TAAR5: variants seen among roughly 807,000 people sequenced by gnomAD.
TAAR5 encodes the protein trace amine associated receptor 5, also known as trace amine-associated receptor 5.
Under a neutral mutation model 21.1 loss-of-function variants are expected in TAAR5, and 27 were observed. The observed-to-expected ratio is 1.28, with a 90% CI of 0.94 to 1.76. The LOEUF (loss-of-function observed/expected upper bound fraction) is 1.76, where lower values mean the gene tolerates loss of function less well. Among genes scored for constraint, TAAR5 ranks in the 40% most tolerant of loss-of-function variants. The pLI is 0.00. For synonymous variants in TAAR5, 203 were observed against 167.5 expected (o/e 1.21, Z -1.64); for missense variants, 495 against 405.6 (o/e 1.22, Z -1.89).
upstream of TAAR5, among the ~76,000 whole-genome samples, chr6:132,593,617 G>T (rs1371852248): frequency 6.6e-6 from 1 of 152,006 alleles, no homozygotes. Flanking sequence ...TAATGTTTGT[G>T]GACACCCTTG....
chr6:132,606,066 G>A, the TAAR5 span, among the ~76,000 whole-genome samples: 2 of 152,048 alleles, frequency 1.3e-5, no homozygotes, highest in African/African-American at 2.4e-5. Context: ...GGTACACATG[G>A]TCATAAAAAT....
At chr6:132,606,365 G>A in the TAAR5 span, among the ~76,000 whole-genome samples, 6 of 152,222 alleles carry the variant, frequency 3.9e-5, no homozygotes, top group African/African-American at 1.2e-4. Flanking sequence ...AAGGACCAGC[G>A]GGTATAAATG....
the TAAR5 span, chr6:132,608,507 G>C: frequency 2.2e-6 from 1 of 454,896 alleles, no homozygotes; most frequent in Non-Finnish European, 4.4e-6. Context: ...ACTATACCCA[G>C]TGTCTTCGCT....
chr6:132,591,398 G>T (rs527713312), upstream of TAAR5, among the ~76,000 whole-genome samples: 2 of 152,250 alleles, frequency 1.3e-5, no homozygotes, highest in Admixed American at 6.5e-5. Flanking sequence ...AGGAGGTGGG[G>T]CAGGTCAAAA....
At chr6:132,595,023 T>C in the TAAR5 span, 1 of 152,108 alleles carries the variant, frequency 6.6e-6, no homozygotes, top group Non-Finnish European at 1.5e-5. Flanking sequence ...CATATTGCAA[T>C]GGGTCTCAAA....
At chr6:132,610,269 A>G in the TAAR5 span, among the ~76,000 whole-genome samples, 1 of 152,216 alleles carries the variant, frequency 6.6e-6, no homozygotes, top group Non-Finnish European at 1.5e-5. Context: ...GAAGCTTGAC[A>G]TTGTGCCTAT....
At chr6:132,598,016 A>G in the TAAR5 span, among the ~76,000 whole-genome samples, 22,954 of 152,170 alleles carry the variant, frequency 0.15, 2,261 homozygotes, top group African/African-American at 0.27. Context: ...AGAGGGAAAT[A>G]TAGCTCAACT....
At chr6:132,605,025 G>T in the TAAR5 span, among the ~76,000 whole-genome samples, 1 of 152,320 alleles carries the variant, frequency 6.6e-6, no homozygotes, top group South Asian at 2.1e-4. Context: ...AAGAAAGGTT[G>T]CCTGGGATAA....
upstream of TAAR5, among the ~76,000 whole-genome samples, chr6:132,593,224 T>G (rs542588683): frequency 3.7e-4 from 56 of 152,304 alleles, no homozygotes; most frequent in African/African-American, 1.3e-3. Flanking sequence ...TAAATTTTCC[T>G]CTGCCATGCT....
chr6:132,596,577 C>T, the TAAR5 span, among the ~76,000 whole-genome samples: 4 of 152,108 alleles, frequency 2.6e-5, no homozygotes, highest in African/African-American at 9.7e-5. Context: ...ATCTCCAATA[C>T]TGTATATTAT....
chr6:132,592,239 C>T (rs1269949465), upstream of TAAR5, among the ~76,000 whole-genome samples: 2 of 152,216 alleles, frequency 1.3e-5, no homozygotes, highest in Non-Finnish European at 2.9e-5. Flanking sequence ...CTGCACTTTA[C>T]TTACTAGAAA....
At chr6:132,600,703 A>T in the TAAR5 span, among the ~76,000 whole-genome samples, 1 of 152,014 alleles carries the variant, frequency 6.6e-6, no homozygotes, top group Admixed American at 6.6e-5. Context: ...GAAGAAAAAA[A>T]CTAATATACA....
the TAAR5 span, among the ~76,000 whole-genome samples, chr6:132,600,963 A>G: frequency 1.5e-5 from 2 of 131,210 alleles, no homozygotes; most frequent in Non-Finnish European, 3.3e-5. Context: ...GAAGGAGGGA[A>G]GGAGGGAAGG....
At chr6:132,615,021 G>A in the TAAR5 span, among the ~76,000 whole-genome samples, 1 of 152,096 alleles carries the variant, frequency 6.6e-6, no homozygotes, top group Admixed American at 6.5e-5. Context: ...ACACCACCAC[G>A]CCCAGTTAAT....
At chr6:132,597,122 A>G in the TAAR5 span, among the ~76,000 whole-genome samples, 5 of 152,282 alleles carry the variant, frequency 3.3e-5, no homozygotes, top group Middle Eastern at 6.8e-3. Context: ...GAAAGAATAT[A>G]ATTTAACCTC....
upstream of TAAR5, among the ~76,000 whole-genome samples, chr6:132,592,109 A>G (rs1776914945): frequency 6.6e-6 from 1 of 152,220 alleles, no homozygotes; most frequent in South Asian, 2.1e-4. Flanking sequence ...TTCTGGATCT[A>G]CTAAGGTTTC....
At chr6:132,601,123 A>G in the TAAR5 span, among the ~76,000 whole-genome samples, 3 of 148,156 alleles carry the variant, frequency 2.0e-5, no homozygotes, top group African/African-American at 2.5e-5. Flanking sequence ...GAAGGAGGGA[A>G]GGAGGGAAAG....
chr6:132,603,521 G>A, the TAAR5 span, among the ~76,000 whole-genome samples: 1 of 150,420 alleles, frequency 6.6e-6, no homozygotes, highest in Non-Finnish European at 1.5e-5. Flanking sequence ...AATGACAAGG[G>A]AAATCAATAT....
At chr6:132,600,625 T>A in the TAAR5 span, among the ~76,000 whole-genome samples, 1 of 152,016 alleles carries the variant, frequency 6.6e-6, no homozygotes, top group Admixed American at 6.6e-5. Context: ...GCTTTGGACA[T>A]TAAAAAGACA....
Sources: allele counts gnomAD v4.1 joint callset (sites outside exome capture counted in the v4.1 genomes callset), GRCh38; gene constraint gnomAD v4.1.1; transcripts MANE v1.5; gene names NCBI Gene and HGNC (gene_info 2026-07-23, HGNC 2026-07-21).